DNAH11: variants seen among roughly 807,000 people sequenced by gnomAD.
DNAH11 encodes axonemal beta dynein heavy chain 11.
A neutral mutation model predicts 526.0 loss-of-function variants in DNAH11; 442 were observed. The observed-to-expected ratio is 0.84, with a 90% confidence interval of 0.78 to 0.91. DNAH11 has a LOEUF of 0.91. Ranked by LOEUF, DNAH11 falls within the 40% of genes least tolerant of loss-of-function variation. The pLI, the probability that DNAH11 is intolerant of heterozygous loss-of-function variation, is 0.00. For missense variants in DNAH11, 6,989 were observed against 5,448.7 expected, an observed-to-expected ratio of 1.28 and a Z score of -8.90; for synonymous variants, 2,461 against 1,935.9, an observed-to-expected ratio of 1.27 and a Z score of -7.12.
chr7:21,568,042 G>A (rs150677553), intron 6 of DNAH11, among the ~76,000 whole-genome samples: 15 of 152,296 alleles, frequency 9.8e-5, no homozygotes, highest in African/African-American at 3.1e-4. Flanking sequence ...GTAGTCGAGT[G>A]TGGAGTGGAG....
intron 54 of DNAH11, among the ~76,000 whole-genome samples, chr7:21,757,690 C>T (rs145027609): frequency 4.6e-5 from 7 of 152,266 alleles, no homozygotes; most frequent in South Asian, 4.1e-4. Flanking sequence ...TAAAGTCTGG[C>T]GACAGACAAG....
Position 21,898,789 on chromosome 7 carries a change from G to C in DNAH11, c.13050-547G>C, listed in dbSNP as rs555715899. Among the ~76,000 whole-genome samples, 52 of 152,328 alleles carry C rather than the reference G, an allele frequency of 3.4e-4. 2 individuals are homozygous for C. The South Asian group carries it at 8.3e-3, about 24-fold the overall frequency. ...ACCCACCGGCGTGCCATTCCTGGCT[G>C]ACTTGTTTTCCTAATTAACCTTTTT... is the stretch of plus-strand genomic sequence containing the variant. On this transcript the variant is annotated intron_variant, in intron 79 of 81. Coordinates refer to ENST00000409508, the MANE Select transcript of DNAH11 (RefSeq NM_001277115.2).
chr7:21,787,539 G>T lies in DNAH11; in HGVS notation c.9880G>T (p.Ala3294Ser). 6.2e-7 allele frequency: 1 copy of T among 1,613,268 alleles called. No individual in the cohort carries two copies. The highest frequency in any genetic ancestry group is 8.5e-7 in the Non-Finnish European group (1 of 1,179,596). ...NLIRTKSFAA[A>S]GLCAWVINII... ...GATTCGAACCAAATCTTTTGCAGCA[G>T]CTGGCCTGTGTGCCTGGGTCATCAA... The change falls in exon 60 of 82, where the codon GCT (alanine) becomes TCT (serine). Residue 3294 changes from alanine (A) to serine (S), a missense_variant. Transcript: ENST00000409508.
intron 46 of DNAH11, among the ~76,000 whole-genome samples, chr7:21,738,110 A>T (rs1232528324): frequency 2.0e-5 from 3 of 152,108 alleles, no homozygotes; most frequent in African/African-American, 7.2e-5. Context: ...TCAGACACGC[A>T]CTGTTCTGGA....
intron 20 of DNAH11, among the ~76,000 whole-genome samples, chr7:21,608,572 G>C (rs1032359184): frequency 6.6e-6 from 1 of 152,110 alleles, no homozygotes; most frequent in Non-Finnish European, 1.5e-5. Flanking sequence ...GCATCATGTT[G>C]CCTCTTTCAC....
At chr7:21,605,687 T>G (rs1785252083) in intron 18 of DNAH11, among the ~76,000 whole-genome samples, 1 of 152,226 alleles carries the variant, frequency 6.6e-6, no homozygotes, top group African/African-American at 2.4e-5. Flanking sequence ...TTTTCATCCT[T>G]GCCCCAGCAT....
intron 54 of DNAH11, among the ~76,000 whole-genome samples, chr7:21,750,811 A>G (rs1336782330): frequency 6.6e-6 from 1 of 152,190 alleles, no homozygotes; most frequent in Admixed American, 6.5e-5. Flanking sequence ...AATGGCATTT[A>G]TATAAAGGTC....
intron 54 of DNAH11, among the ~76,000 whole-genome samples, chr7:21,760,067 T>C (rs1004996398): frequency 6.6e-6 from 1 of 152,124 alleles, no homozygotes; most frequent in East Asian, 1.9e-4. Context: ...AATCCCACTG[T>C]TGGAAACTAA....
intron 61 of DNAH11, among the ~76,000 whole-genome samples, chr7:21,792,185 TG>T (rs1440708077): frequency 2.6e-5 from 4 of 152,244 alleles, no homozygotes; most frequent in African/African-American, 9.6e-5. Context: ...ATACAGTTTT[TG>T]TTCTTTATTC....
At chr7:21,877,986 G>T (rs187326888) in intron 74 of DNAH11, among the ~76,000 whole-genome samples, 147 of 151,496 alleles carry the variant, frequency 9.7e-4, no homozygotes, top group Admixed American at 8.5e-3. Context: ...TAAGAAGATA[G>T]ATTTCTGTTT....
Position 21,717,884 on chromosome 7 carries a change from T to C in DNAH11, c.7093T>C (p.Phe2365Leu). 6.2e-7 allele frequency: 1 copy of C among 1,613,826 alleles called. No individual in the cohort carries two copies. The highest frequency in any genetic ancestry group is 2.2e-5 in the East Asian group (1 of 44,880). ...PACLDKLRTS[F>L]KTITSIPESS... ...ATGCTTGGATAAACTGAGAACAAGCTTTAAAACCATCACTTCAATTCCTGA... is the reference window on the plus strand; with the variant it reads ...ATGCTTGGATAAACTGAGAACAAGCCTTAAAACCATCACTTCAATTCCTGA... The change falls in exon 43 of 82, where the codon TTT becomes CTT. Residue 2365 changes from phenylalanine to leucine, a missense_variant. Physicochemically the swap from Phe to Leu is conservative, Grantham distance 22. Coordinates refer to ENST00000409508, the MANE Select transcript of DNAH11 (RefSeq NM_001277115.2).
At position 21,613,866 on chromosome 7, in the gene DNAH11, T is replaced by G. The variant is rs1326396350; in HGVS notation, c.3853-1248T>G. ...AGCCTCAACCTTCCCTGATCTTACT[T>G]AGGTCATTCTCCCACCTCAGCCTCC... On this transcript the variant is annotated intron_variant, in intron 20 of 81. Transcript: ENST00000409508. Among the ~76,000 whole-genome samples the G allele has an allele frequency of 1.7e-4, 26 of 152,034 alleles. 1 individual carries two copies.
chr7:21,631,347 C>G (rs576107858), intron 25 of DNAH11, among the ~76,000 whole-genome samples: 2 of 152,292 alleles, frequency 1.3e-5, no homozygotes, highest in African/African-American at 4.8e-5. Flanking sequence ...CCTCACATTT[C>G]AAAACCAATC....
chr7:21,870,699 T>G (rs1010934470), intron 73 of DNAH11, among the ~76,000 whole-genome samples: 7 of 152,192 alleles, frequency 4.6e-5, no homozygotes, highest in Non-Finnish European at 7.3e-5. Context: ...TTGTTGCCCC[T>G]AAAATTGCAA....
At chr7:21,652,571 A>G (rs969331079) in intron 28 of DNAH11, among the ~76,000 whole-genome samples, 2 of 152,220 alleles carry the variant, frequency 1.3e-5, no homozygotes, top group African/African-American at 4.8e-5. Flanking sequence ...GTATGTTTAT[A>G]ACCAACAGTG....
intron 8 of DNAH11, among the ~76,000 whole-genome samples, chr7:21,573,248 C>T (rs1417241484): frequency 1.3e-5 from 2 of 152,104 alleles, no homozygotes; most frequent in Non-Finnish European, 2.9e-5. Context: ...AATTCATTTA[C>T]TCTTGAGGTA....
intron 71 of DNAH11, 28 bp downstream of exon 71, chr7:21,866,691 T>G (rs1454100458): frequency 6.3e-7 from 1 of 1,585,296 alleles, no homozygotes; most frequent in Admixed American, 1.8e-5. Flanking sequence ...TTTGGAAACA[T>G]GTATTAGTTA....
At chr7:21,880,084 C>CA (rs57931095) in intron 74 of DNAH11, among the ~76,000 whole-genome samples, 6,591 of 93,426 alleles carry the variant, frequency 0.071, 513 homozygotes, top group African/African-American at 0.21. Flanking sequence ...GACTCCGTCT[C>CA]AAAAAAAAAA....
intron 8 of DNAH11, among the ~76,000 whole-genome samples, chr7:21,573,003 G>A (rs1210176445): frequency 3.3e-5 from 5 of 152,162 alleles, no homozygotes; most frequent in South Asian, 2.1e-4. Context: ...GCCGCTGAAC[G>A]AGCTAGTGGA....
Sources: gnomAD v4.1 joint callset for allele counts (sites outside exome capture counted in the v4.1 genomes callset) on GRCh38, gnomAD v4.1.1 for gene constraint, MANE v1.5 for transcripts, NCBI Gene and HGNC (gene_info 2026-07-23, HGNC 2026-07-21) for gene names.